C8orf34: variants seen among roughly 807,000 people sequenced by gnomAD.
The protein encoded by C8orf34 is chromosome 8 open reading frame 34, also known as uncharacterized protein C8orf34.
Under a neutral mutation model 68.3 loss-of-function variants are expected in C8orf34, and 65 were observed. The ratio of observed to expected loss-of-function variants is 0.95; its 90% CI spans 0.78 to 1.17. C8orf34 has a LOEUF of 1.17. Among genes scored for constraint, C8orf34 ranks in the 50% most tolerant of loss-of-function variants. The probability of loss-of-function intolerance (pLI) is 0.00; values close to 1 mark genes in which losing one functional copy is unlikely to be tolerated. For missense variants in C8orf34, 664 were observed against 655.4 expected (o/e 1.01, Z -0.14); for synonymous variants, 244 against 241.2 (o/e 1.01, Z -0.11).
intron 3 of C8orf34, among the ~76,000 whole-genome samples, chr8:68,466,244 A>G (rs920018223): frequency 1.3e-5 from 2 of 151,876 alleles, no homozygotes; most frequent in African/African-American, 4.8e-5. Flanking sequence ...GGCATGGGGG[A>G]AAATGAGAGA....
chr8:68,468,915 C>T (rs1038213924), intron 4 of C8orf34, 95 bp downstream of exon 4: 2 of 1,334,684 alleles, frequency 1.5e-6, no homozygotes, highest in African/African-American at 2.9e-5. Flanking sequence ...CTAACATCCT[C>T]ATTCTAATTC....
intron 1 of C8orf34, among the ~76,000 whole-genome samples, chr8:68,405,768 A>G (rs2129621578): frequency 6.6e-6 from 1 of 152,152 alleles, no homozygotes; most frequent in South Asian, 2.1e-4. Flanking sequence ...TTTCTAATCT[A>G]CCTCCCTCCC....
chr8:68,721,656 G>T (rs912053728), intron 10 of C8orf34, among the ~76,000 whole-genome samples: 2 of 151,856 alleles, frequency 1.3e-5, no homozygotes, highest in African/African-American at 4.8e-5. Flanking sequence ...ATGCTAAAAG[G>T]TTATGAGCTG....
intron 10 of C8orf34, among the ~76,000 whole-genome samples, chr8:68,733,765 A>G (rs916473087): frequency 6.6e-6 from 1 of 152,210 alleles, no homozygotes; most frequent in Non-Finnish European, 1.5e-5. Context: ...AATCTTATAA[A>G]TTAGAAGACA....
At chr8:68,515,205 GC>G (rs1350578450) in intron 5 of C8orf34, among the ~76,000 whole-genome samples, 1 of 151,368 alleles carries the variant, frequency 6.6e-6, no homozygotes, top group African/African-American at 2.4e-5. Context: ...TATTTGGGAA[GC>G]CTTTCTAAAC....
At chr8:68,407,060 T>G (rs1013530553) in intron 1 of C8orf34, among the ~76,000 whole-genome samples, 8 of 152,228 alleles carry the variant, frequency 5.3e-5, no homozygotes, top group Non-Finnish European at 1.2e-4. Flanking sequence ...TGGATCTACA[T>G]AGAGGAATCA....
intron 1 of C8orf34, among the ~76,000 whole-genome samples, chr8:68,387,219 A>G (rs571239164): frequency 6.6e-6 from 1 of 152,246 alleles, no homozygotes; most frequent in Non-Finnish European, 1.5e-5. Flanking sequence ...TAACTTTGTT[A>G]GGCAAGTGAG....
chr8:68,776,489 GT>G, intron 11 of C8orf34, 40 bp downstream of exon 11: 1 of 1,519,978 alleles, frequency 6.6e-7, no homozygotes, highest in Non-Finnish European at 9.1e-7. Flanking sequence ...TCTGAAATCA[GT>G]TTATGATACA....
intron 5 of C8orf34, among the ~76,000 whole-genome samples, chr8:68,513,239 T>TGG (rs1351531949): frequency 5.5e-4 from 84 of 152,338 alleles, no homozygotes; most frequent in African/African-American, 1.9e-3. Context: ...AAAAAATACT[T>TGG]GATCCAAGCA....
chr8:68,663,860 T>A (rs1051647127), intron 8 of C8orf34, among the ~76,000 whole-genome samples: 1 of 152,218 alleles, frequency 6.6e-6, no homozygotes, highest in Non-Finnish European at 1.5e-5. Context: ...TAATGCTCAC[T>A]GCAAAATAGA....
In C8orf34 at chr8:68,565,880, G is replaced by A. The variant is rs563365802; in HGVS notation, c.1105+32731G>A. 2.0e-5 allele frequency among the ~76,000 whole-genome samples: 3 copies of A among 152,242 alleles called. No individual in the cohort carries two copies. In the East Asian group the frequency reaches 5.8e-4, roughly 29 times the overall value. On this transcript the variant is annotated intron_variant, in intron 7 of 13. Transcript: ENST00000518698. Reference sequence around the variant, plus strand: ...TAGCTACAGGGTTTATTTTAATAGAGATGTAGATGTATCCAAAATGGGTAA... The same window carrying A: ...TAGCTACAGGGTTTATTTTAATAGAAATGTAGATGTATCCAAAATGGGTAA...
chr8:68,724,002 A>G (rs1821756159), intron 10 of C8orf34, among the ~76,000 whole-genome samples: 1 of 152,160 alleles, frequency 6.6e-6, no homozygotes, highest in Non-Finnish European at 1.5e-5. Context: ...TTAATATCAT[A>G]TTACACATTT....
At position 68,353,726 on chromosome 8, in the gene C8orf34, A is replaced by T. The variant is rs149629383; in HGVS notation, c.327+22387A>T. On this transcript the variant is annotated intron_variant, in intron 1 of 13. Transcript: ENST00000518698. Reference sequence around the variant, plus strand: ...CTGTGGAATGAAAATATTGCAAAAAAAATTGCATCTGTAATGAACATGTAC... The same window carrying T: ...CTGTGGAATGAAAATATTGCAAAAATAATTGCATCTGTAATGAACATGTAC... Among the ~76,000 whole-genome samples the T allele has an allele frequency of 1.6e-3, 235 of 150,908 alleles. 1 individual carries two copies. The highest frequency in any genetic ancestry group is 5.5e-3 in the African/African-American group (229 of 41,276).
chr8:68,640,823 A>G (rs1251029821), intron 8 of C8orf34, among the ~76,000 whole-genome samples: 2 of 152,220 alleles, frequency 1.3e-5, no homozygotes, highest in Non-Finnish European at 2.9e-5. Context: ...AGCTCTGAAC[A>G]TTCAAAGCCA....
intron 1 of C8orf34, among the ~76,000 whole-genome samples, chr8:68,404,896 C>T (rs1354703578): frequency 6.6e-6 from 1 of 151,812 alleles, no homozygotes; most frequent in African/African-American, 2.4e-5. Context: ...TTTTCTAATT[C>T]TGTGAAGAAA....
At chr8:68,715,224 T>A (rs559704804) in intron 9 of C8orf34, among the ~76,000 whole-genome samples, 1 of 152,162 alleles carries the variant, frequency 6.6e-6, no homozygotes, top group East Asian at 1.9e-4. Flanking sequence ...AAAGACGTCA[T>A]GACCAAGAAC....
intron 10 of C8orf34, among the ~76,000 whole-genome samples, chr8:68,747,188 T>G (rs927497342): frequency 2.0e-5 from 3 of 151,982 alleles, no homozygotes; most frequent in African/African-American, 7.3e-5. Flanking sequence ...TCAACAACAC[T>G]TCATGCTAAA....
Position 68,675,534 on chromosome 8 carries a change from A to G in C8orf34, c.1242-33460A>G, listed in dbSNP as rs551867833. 1.6e-4 allele frequency among the ~76,000 whole-genome samples: 25 copies of G among 152,058 alleles called. No homozygotes were observed. In the South Asian group the frequency reaches 2.3e-3, roughly 14 times the overall value. ...GTCGAAAGTTTAAAATAATGGTTCT[A>G]AGTTAGAATTTGCAAGCCTCATAGT... On this transcript the variant is annotated intron_variant, in intron 8 of 13. Coordinates refer to ENST00000518698, the MANE Select transcript of C8orf34 (RefSeq NM_052958.4).
At chr8:68,468,943 T>C (rs1312918333) in intron 4 of C8orf34, 123 bp downstream of exon 4, 3 of 1,051,062 alleles carry the variant, frequency 2.9e-6, no homozygotes, top group East Asian at 5.1e-5. Context: ...GGCTGAGTAG[T>C]TCTAAGGGCA....
Sources: gnomAD v4.1 joint callset for allele counts (sites outside exome capture counted in the v4.1 genomes callset) on GRCh38, gnomAD v4.1.1 for gene constraint, MANE v1.5 for transcripts, NCBI Gene and HGNC (gene_info 2026-07-23, HGNC 2026-07-21) for gene names.